Variants in RNF115 observed in about 807,000 individuals in gnomAD.
RNF115 encodes the protein ring finger protein 115.
Under a neutral mutation model 39.2 loss-of-function variants are expected in RNF115, and 31 were observed. That is an observed-to-expected ratio of 0.79 (90% CI 0.59 to 1.07). The LOEUF is 1.07. Ranked by LOEUF, RNF115 falls within the 50% of genes least tolerant of loss-of-function variation. RNF115 has a pLI of 0.00. For missense variants in RNF115, 384 were observed against 381.7 expected (o/e 1.01, Z -0.05); for synonymous variants, 124 against 131.0 (o/e 0.95, Z 0.37).
At chr1:145,812,035 G>A (rs1649750162) in intron 1 of RNF115, among the ~76,000 whole-genome samples, 1 of 144,110 alleles carries the variant, frequency 6.9e-6, no homozygotes, top group Non-Finnish European at 1.5e-5. Context: ...CTGAATCTGA[G>A]AGGTCTGAGA....
intron 2 of RNF115, among the ~76,000 whole-genome samples, chr1:145,786,798 A>G (rs587659357): frequency 6.6e-6 from 1 of 152,320 alleles, no homozygotes; most frequent in Admixed American, 6.5e-5. Flanking sequence ...CACAAACAAA[A>G]AGCTATCCCA....
intron 1 of RNF115, among the ~76,000 whole-genome samples, chr1:145,819,980 G>A (rs1189766199): frequency 6.7e-6 from 1 of 150,216 alleles, no homozygotes. Context: ...AGAGGTTGCA[G>A]TGAGCTGAGC....
intron 1 of RNF115, among the ~76,000 whole-genome samples, chr1:145,800,295 CTG>C (rs1649170614): frequency 6.6e-6 from 1 of 152,118 alleles, no homozygotes; most frequent in South Asian, 2.1e-4. Context: ...CTTAACCACT[CTG>C]TGAGGTAAAT....
intron 3 of RNF115, among the ~76,000 whole-genome samples, chr1:145,780,240 A>G (rs1296585283): frequency 5.9e-5 from 9 of 151,668 alleles, no homozygotes; most frequent in African/African-American, 2.2e-4. Flanking sequence ...AAAAACAAAC[A>G]AAAAAGAGCT....
chr1:145,787,202 T>A, intron 2 of RNF115: 1 of 417,640 alleles, frequency 2.4e-6, no homozygotes, highest in Non-Finnish European at 4.7e-6. Flanking sequence ...TTTAACCAAA[T>A]AGCCCCAAAA....
chr1:145,815,498 C>T (rs1649951839), intron 1 of RNF115, among the ~76,000 whole-genome samples: 1 of 152,284 alleles, frequency 6.6e-6, no homozygotes, highest in Admixed American at 6.5e-5. Flanking sequence ...GTAACATTCC[C>T]TGACCTTGAT....
intron 4 of RNF115, among the ~76,000 whole-genome samples, chr1:145,754,351 GT>G (rs57910583): frequency 0.36 from 53,316 of 150,178 alleles, 9,517 homozygotes; most frequent in African/African-American, 0.37. Context: ...AACACTGGTT[GT>G]TTTTTTTTTT....
At chr1:145,803,041 T>C (rs1649316973) in intron 1 of RNF115, among the ~76,000 whole-genome samples, 1 of 152,206 alleles carries the variant, frequency 6.6e-6, no homozygotes, top group Admixed American at 6.5e-5. Flanking sequence ...AATCTCTTTC[T>C]AGAGTACAAA....
Position 145,784,571 on chromosome 1 carries a change from T to A in RNF115, c.187A>T (p.Ile63Leu), listed in dbSNP as rs781914601. Residue 63 changes from isoleucine (I) to leucine (L), a missense_variant, in exon 3 of 9, where the codon ATA (isoleucine) becomes TTA (leucine). Physicochemically the swap from Ile to Leu is conservative, Grantham distance 5. Transcript: ENST00000582693. ...SSFLGGGGSR[I>L]DNTTTTHFAE... ...AAATGTGTTGTTGTGGTATTGTCTA[T>A]CCGACTGCCGCCACCACCTAAAAAA... 3.1e-6 allele frequency: 5 copies of A among 1,614,004 alleles called. No homozygotes were observed. The East Asian group carries it at 1.1e-4, about 36-fold the overall frequency.
intron 1 of RNF115, among the ~76,000 whole-genome samples, chr1:145,791,137 G>A (rs1275495283): frequency 1.4e-5 from 2 of 147,764 alleles, no homozygotes; most frequent in East Asian, 2.0e-4. Context: ...TCGAGACTCT[G>A]TCTCAAAAAA....
intron 8 of RNF115, 47 bp from the exon 9 acceptor site, chr1:145,747,044 G>C (rs1657903218): frequency 1.3e-6 from 2 of 1,573,714 alleles, no homozygotes; most frequent in Non-Finnish European, 1.7e-6. Context: ...GGCCTGAGAA[G>C]CTGGGAGTAT....
At chr1:145,764,563 G>A (rs1658675890) in intron 4 of RNF115, among the ~76,000 whole-genome samples, 1 of 150,630 alleles carries the variant, frequency 6.6e-6, no homozygotes, top group Admixed American at 6.6e-5. Context: ...CCTCCGCCCG[G>A]CAGCCGCCCC....
Position 145,824,068 on chromosome 1 carries a change from G to C in RNF115, c.-195C>G. 5 of 471,540 alleles carry C rather than the reference G, an allele frequency of 1.1e-5. No homozygotes were observed. Among genetic ancestry groups the C allele is most frequent in the East Asian group, 3.8e-5 (1 of 26,120 alleles). The allele number at this position is 471,540 out of a possible 1,614,324, so 29.2% of individuals were successfully genotyped here. On this transcript the variant is annotated 5_prime_UTR_variant, in exon 1 of 9. Transcript: ENST00000582693. Reference sequence around the variant, plus strand: ...CAGCTACCCTGCGGCCCGCCTCCCAGCACCAAAGAGGCGCAGGAAGGAGAG... The same window carrying C: ...CAGCTACCCTGCGGCCCGCCTCCCACCACCAAAGAGGCGCAGGAAGGAGAG...
intron 4 of RNF115, among the ~76,000 whole-genome samples, chr1:145,766,744 C>T (rs1271173261): frequency 3.6e-4 from 31 of 87,052 alleles, no homozygotes; most frequent in Non-Finnish European, 4.2e-4. Context: ...CCAGTAGGGG[C>T]GGCCGGGCAG....
intron 3 of RNF115, among the ~76,000 whole-genome samples, chr1:145,775,509 C>T (rs1473898444): frequency 6.6e-6 from 1 of 150,994 alleles, no homozygotes; most frequent in Admixed American, 6.6e-5. Flanking sequence ...GATCCTCCCA[C>T]CTCAATCTCC....
At chr1:145,766,991 G>A (rs1390416315) in intron 4 of RNF115, among the ~76,000 whole-genome samples, 3 of 136,646 alleles carry the variant, frequency 2.2e-5, no homozygotes, top group Non-Finnish European at 3.1e-5. Context: ...CGGGCAGAGG[G>A]GCTCCTCACT....
At position 145,741,501 on chromosome 1, in the gene RNF115, G is replaced by A. The variant is rs587745719; in HGVS notation, c.*5365C>T. On this transcript the variant is annotated 3_prime_UTR_variant, in exon 9 of 9. Transcript: ENST00000582693. Reference sequence around the variant, plus strand: ...TTTTAAACCCCTGGAGCAGCTCAGTGGCTCGCTGGCTGAATACTGAGACAC... The same window carrying A: ...TTTTAAACCCCTGGAGCAGCTCAGTAGCTCGCTGGCTGAATACTGAGACAC... 1.4e-4 allele frequency: 21 copies of A among 152,234 alleles called. No individual in the cohort carries two copies. Among genetic ancestry groups the A allele is most frequent in the African/African-American group, 4.6e-4 (19 of 41,524 alleles). 9.4% of individuals were successfully genotyped at this position (152,234 alleles called of 1,614,324 possible). A position where few individuals can be genotyped will look rare whatever the true frequency, so the allele number is the denominator to read the frequency against.
At chr1:145,808,357 T>G (rs938645904) in intron 1 of RNF115, among the ~76,000 whole-genome samples, 18 of 152,162 alleles carry the variant, frequency 1.2e-4, no homozygotes, top group Admixed American at 1.2e-3. Flanking sequence ...ATCTGTTATT[T>G]TTGTCTTTTT....
intron 3 of RNF115, 31 bp downstream of exon 3, chr1:145,784,508 A>G: frequency 1.3e-6 from 2 of 1,599,530 alleles, no homozygotes; most frequent in Non-Finnish European, 1.7e-6. Flanking sequence ...ACCACTTCTT[A>G]AAGAATTCCT....
Sources: gnomAD v4.1 joint callset for allele counts (sites outside exome capture counted in the v4.1 genomes callset) on GRCh38, gnomAD v4.1.1 for gene constraint, MANE v1.5 for transcripts, NCBI Gene and HGNC (gene_info 2026-07-23, HGNC 2026-07-21) for gene names.